ZNF326: variants seen among roughly 807,000 people sequenced by gnomAD.
ZNF326 encodes zinc finger protein 326, also known as DBIRD complex subunit ZNF326.
A neutral mutation model predicts 63.1 loss-of-function variants in ZNF326; 30 were observed. The ratio of observed to expected loss-of-function variants is 0.48; its 90% CI spans 0.36 to 0.64. The LOEUF (loss-of-function observed/expected upper bound fraction) is 0.64. Among genes scored for constraint, ZNF326 ranks in the 30% least tolerant of loss-of-function variants. ZNF326 has a pLI of 0.00. For synonymous variants in ZNF326, 194 were observed against 228.2 expected (o/e 0.85, Z 1.35); for missense variants, 609 against 720.3 (o/e 0.85, Z 1.77).
At chr1:90,024,766 C>G (rs571173912) in intron 11 of ZNF326, among the ~76,000 whole-genome samples, 2 of 152,252 alleles carry the variant, frequency 1.3e-5, no homozygotes, top group East Asian at 3.9e-4. Flanking sequence ...CAGGCACACA[C>G]CACCACACTC....
At chr1:90,020,697 G>A (rs776465298) in intron 9 of ZNF326, 95 bp from the exon 10 acceptor site, 23 of 1,200,124 alleles carry the variant, frequency 1.9e-5, no homozygotes, top group Non-Finnish European at 2.7e-5. Context: ...TTTGGAAGAA[G>A]GGGTATAAAT....
rs1650269307 is a variant in ZNF326 at position 90,031,531 on chromosome 1, C to T, written c.*3830C>T. 6.7e-6 allele frequency: 1 copy of T among 149,998 alleles called. No homozygotes were observed. Among genetic ancestry groups the T allele is most frequent in the Non-Finnish European group, 1.5e-5 (1 of 67,702 alleles). 9.3% of individuals were successfully genotyped at this position (149,998 alleles called of 1,614,324 possible). A position where few individuals can be genotyped will look rare whatever the true frequency, so the allele number is the denominator to read the frequency against. On this transcript the variant is annotated 3_prime_UTR_variant, in exon 12 of 12. Coordinates refer to ENST00000340281, the MANE Select transcript of ZNF326 (RefSeq NM_182976.4). ...CCATTCTAATCATTTTTTAATGTAC[C>T]ATTTAGTGGCATTAATTACAAGCAA...
rs996259268 is a variant in ZNF326, at chr1:90,017,373, A to C, written c.983A>C (p.Glu328Ala). Residue 328 changes from glutamate to alanine, a missense_variant, in exon 8 of 12, where the codon GAA becomes GCA. Physicochemically the swap from Glu to Ala is moderately radical, Grantham distance 107. Transcript: ENST00000340281. ...CGAACATTTGAAGAAAAAGATATTG[A>C]ACTGCATCTGGAAAGTTCTTCACAT... ...KFRTFEEKDI[E>A]LHLESSSHQE... 3.7e-6 allele frequency: 6 copies of C among 1,607,650 alleles called. No individual in the cohort carries two copies. Among genetic ancestry groups the C allele is most frequent in the Middle Eastern group, 1.7e-4 (1 of 6,046 alleles).
intron 2 of ZNF326, 92 bp from the exon 3 acceptor site, chr1:90,004,911 A>T: frequency 9.6e-7 from 1 of 1,041,842 alleles, no homozygotes; most frequent in Non-Finnish European, 1.4e-6. Context: ...AAATTATCTC[A>T]GGTGATAGAT....
intron 1 of ZNF326, among the ~76,000 whole-genome samples, chr1:89,997,413 G>T (rs995059730): frequency 6.6e-6 from 1 of 151,326 alleles, no homozygotes; most frequent in Non-Finnish European, 1.5e-5. Context: ...TCGTTCTGTC[G>T]CCCAGGCTGG....
chr1:90,006,850 T>C (rs978134541), intron 4 of ZNF326, among the ~76,000 whole-genome samples: 1 of 152,194 alleles, frequency 6.6e-6, no homozygotes, highest in Non-Finnish European at 1.5e-5. Flanking sequence ...GTTTGTGATA[T>C]AGATTATTGG....
chr1:90,000,323 T>C (rs910990562), intron 2 of ZNF326, among the ~76,000 whole-genome samples: 3 of 152,242 alleles, frequency 2.0e-5, no homozygotes, highest in Non-Finnish European at 2.9e-5. Flanking sequence ...CCCCACACTA[T>C]TTCTTGGAAG....
intron 10 of ZNF326, 56 bp downstream of exon 10, chr1:90,020,978 G>A: frequency 6.3e-7 from 1 of 1,580,912 alleles, no homozygotes; most frequent in Non-Finnish European, 8.6e-7. Context: ...ATCTTTTATT[G>A]TTCTTTGGCC....
intron 7 of ZNF326, among the ~76,000 whole-genome samples, chr1:90,015,663 C>T (rs1351358059): frequency 6.6e-6 from 1 of 151,998 alleles, no homozygotes; most frequent in Non-Finnish European, 1.5e-5. Flanking sequence ...GCCTGGGCAA[C>T]AGAGCAAGAC....
chr1:90,031,797 T>C lies in ZNF326; in HGVS notation c.*4096T>C, dbSNP rs1351052921. On this transcript the variant is annotated 3_prime_UTR_variant, in exon 12 of 12. Transcript: ENST00000340281. The stretch of plus-strand genomic sequence containing the variant: ...TTGGTCTTGAACTCCTGACCTCAAG[T>C]GATCTGCCTGCCTTGGCCTCCCAAA... The C allele has an allele frequency of 6.6e-6, 1 of 151,090 alleles. No individual in the cohort carries two copies. The highest frequency in any genetic ancestry group is 1.5e-5 in the Non-Finnish European group (1 of 68,066). 9.4% of individuals were successfully genotyped at this position (151,090 alleles called of 1,614,324 possible).
intron 2 of ZNF326, among the ~76,000 whole-genome samples, chr1:90,003,882 A>G (rs1035044659): frequency 2.0e-5 from 3 of 152,136 alleles, no homozygotes; most frequent in African/African-American, 7.2e-5. Flanking sequence ...TATTGTTGTC[A>G]TTATTGTTGG....
intron 2 of ZNF326, among the ~76,000 whole-genome samples, chr1:90,003,331 A>T (rs561790700): frequency 2.6e-5 from 4 of 152,048 alleles, no homozygotes; most frequent in Admixed American, 2.0e-4. Flanking sequence ...ACGGGGTTTC[A>T]CTGTGTTAGC....
intron 1 of ZNF326, among the ~76,000 whole-genome samples, chr1:89,996,853 A>G (rs1361912133): frequency 2.6e-5 from 4 of 152,252 alleles, no homozygotes; most frequent in African/African-American, 9.6e-5. Flanking sequence ...CTGTAGTTTG[A>G]TGATAATGCC....
chr1:90,024,923 A>G (rs1039317198), intron 11 of ZNF326, among the ~76,000 whole-genome samples: 2 of 148,222 alleles, frequency 1.3e-5, no homozygotes, highest in Non-Finnish European at 3.0e-5. Context: ...TTTGCCTTTC[A>G]TCTTTGTTCT....
At chr1:90,000,435 A>C (rs758431825) in intron 2 of ZNF326, among the ~76,000 whole-genome samples, 1 of 152,182 alleles carries the variant, frequency 6.6e-6, no homozygotes, top group Non-Finnish European at 1.5e-5. Context: ...GTGGTAGCTC[A>C]TGCCTATAAT....
At position 89,995,193 on chromosome 1, in the gene ZNF326, G is replaced by A. The variant is rs1015144242; in HGVS notation, c.-65G>A. ...GTGATCGTGTGGAATCGCGGGTCGCGGACGCTCGCCGCCGGCCATAGCTCA... is the reference window on the plus strand; with the variant it reads ...GTGATCGTGTGGAATCGCGGGTCGCAGACGCTCGCCGCCGGCCATAGCTCA... On this transcript the variant is annotated 5_prime_UTR_variant, in exon 1 of 12. Transcript: ENST00000340281. 1 of 1,518,086 alleles carries A rather than the reference G, an allele frequency of 6.6e-7. No individual in the cohort carries two copies. Among genetic ancestry groups the A allele is most frequent in the Non-Finnish European group, 8.8e-7 (1 of 1,135,588 alleles). The allele number at this position is 1,518,086 out of a possible 1,614,324, so 94.0% of individuals were successfully genotyped here.
In ZNF326 at chr1:89,995,244, C is replaced by G; in HGVS notation, c.-14C>G. ...GCCTAGCGCCGCCAAGGCCGACGGC[C>G]CTCAGCCTCTGCCATGGACTTCGAG... On this transcript the variant is annotated 5_prime_UTR_variant, in exon 1 of 12. Transcript: ENST00000340281. 2 of 1,551,430 alleles carry G rather than the reference C, an allele frequency of 1.3e-6. No homozygotes were observed. Among genetic ancestry groups the G allele is most frequent in the African/African-American group, 1.4e-5 (1 of 71,328 alleles).
At position 90,030,134 on chromosome 1, in the gene ZNF326, T is replaced by C. The variant is rs987977974; in HGVS notation, c.*2433T>C. ...TCCTGTATTATTCGCTTTTTATCAC[T>C]TTCTACCTACAGTCTACCAAAAAGT... On this transcript the variant is annotated 3_prime_UTR_variant, in exon 12 of 12. Transcript: ENST00000340281. 2 of 152,196 alleles carry C rather than the reference T, an allele frequency of 1.3e-5. No individual in the cohort carries two copies. The highest frequency in any genetic ancestry group is 2.4e-5 in the African/African-American group (1 of 41,454). 9.4% of individuals were successfully genotyped at this position (152,196 alleles called of 1,614,324 possible).
In ZNF326 at chr1:90,020,832, T is replaced by C. The variant is rs976170690; in HGVS notation, c.1215T>C (p.Val405=). ...VDDHMMKVET[V]HCSACSVYIP... ...ATCACATGATGAAGGTAGAGACAGT[T>C]CATTGCAGCGCTTGCAGTGTTTATA... Residue 405 remains valine, a synonymous_variant, in exon 10 of 12, where the codon GTT becomes GTC. Transcript: ENST00000340281. 1.2e-6 allele frequency: 2 copies of C among 1,612,946 alleles called. No homozygotes were observed. Among genetic ancestry groups the C allele is most frequent in the African/African-American group, 2.7e-5 (2 of 74,870 alleles).
Sources: gnomAD v4.1 joint callset for allele counts (sites outside exome capture counted in the v4.1 genomes callset) on GRCh38, gnomAD v4.1.1 for gene constraint, MANE v1.5 for transcripts, NCBI Gene and HGNC (gene_info 2026-07-23, HGNC 2026-07-21) for gene names.